The following NRXN3 variants were observed in gnomAD, a reference collection of about 807,000 sequenced individuals.
The protein encoded by NRXN3 is neurexin III.
A neutral mutation model predicts 137.6 loss-of-function variants in NRXN3; 32 were observed. The observed-to-expected ratio is 0.23, with a 90% CI of 0.18 to 0.31. The LOEUF (loss-of-function observed/expected upper bound fraction) is 0.31. NRXN3 is among the 10% of genes least tolerant of loss of function. NRXN3 has a pLI of 1.00. For synonymous variants in NRXN3, 798 were observed against 784.5 expected, an observed-to-expected ratio of 1.02 and a Z score of -0.29; for missense variants, 1,574 against 2,062.5, an observed-to-expected ratio of 0.76 and a Z score of 4.59.
At chr14:78,402,046 T>A (rs189830829) in intron 4 of NRXN3, among the ~76,000 whole-genome samples, 1 of 152,230 alleles carries the variant, frequency 6.6e-6, no homozygotes. Flanking sequence ...ACTGAATGGA[T>A]GATTAACTGT....
intron 15 of NRXN3, among the ~76,000 whole-genome samples, chr14:79,045,366 C>T (rs909096438): frequency 6.6e-6 from 1 of 152,150 alleles, no homozygotes; most frequent in African/African-American, 2.4e-5. Flanking sequence ...GGCACTGCAC[C>T]TTCCTGTTTG....
intron 5 of NRXN3, among the ~76,000 whole-genome samples, chr14:78,646,515 T>C (rs2097689472): frequency 6.6e-6 from 1 of 152,224 alleles, no homozygotes; most frequent in African/African-American, 2.4e-5. Context: ...CTAATGTCAA[T>C]GTGAAAGCGT....
intron 20 of NRXN3, chr14:79,853,770 A>C (rs2099396754): frequency 9.7e-7 from 1 of 1,032,832 alleles, no homozygotes; most frequent in African/African-American, 1.7e-5. Context: ...TGTCAAAAAG[A>C]CAAAAAAATA....
intron 15 of NRXN3, among the ~76,000 whole-genome samples, chr14:79,427,952 T>G (rs1028780069): frequency 3.3e-5 from 5 of 152,072 alleles, no homozygotes; most frequent in African/African-American, 1.2e-4. Context: ...GAGAGAGTAA[T>G]AAGATCGAGG....
intron 10 of NRXN3, among the ~76,000 whole-genome samples, chr14:78,834,621 A>C (rs193254066): frequency 1.1e-4 from 16 of 152,148 alleles, no homozygotes; most frequent in Non-Finnish European, 1.9e-4. Flanking sequence ...TCCTTTTTAA[A>C]CATACCACTG....
chr14:79,641,612 A>G (rs2098434523), intron 16 of NRXN3, among the ~76,000 whole-genome samples: 1 of 135,318 alleles, frequency 7.4e-6, no homozygotes, highest in African/African-American at 2.5e-5. Flanking sequence ...GGCTGGGATT[A>G]GGTTCAGATA....
chr14:79,590,689 CTATGCCCCTGG>C (rs1882387996), intron 16 of NRXN3, among the ~76,000 whole-genome samples: 1 of 152,164 alleles, frequency 6.6e-6, no homozygotes, highest in Non-Finnish European at 1.5e-5. Flanking sequence ...TGAACAGCAC[CTATGCCCCTGG>C]TACAGGAGTG....
At chr14:79,848,189 A>G (rs2099384325) in intron 20 of NRXN3, among the ~76,000 whole-genome samples, 1 of 152,224 alleles carries the variant, frequency 6.6e-6, no homozygotes, top group Non-Finnish European at 1.5e-5. Context: ...TTTAATCAAG[A>G]GGAAATATCT....
At chr14:79,565,294 T>C (rs916623094) in intron 16 of NRXN3, among the ~76,000 whole-genome samples, 1 of 147,744 alleles carries the variant, frequency 6.8e-6, no homozygotes, top group Admixed American at 6.7e-5. Flanking sequence ...TACGCACACA[T>C]GTGTATATAC....
intron 16 of NRXN3, among the ~76,000 whole-genome samples, chr14:79,565,761 A>G (rs554899768): frequency 3.3e-4 from 50 of 152,120 alleles, no homozygotes; most frequent in Non-Finnish European, 5.7e-4. Context: ...AGCTAAGCAC[A>G]TTGACTGTTC....
At chr14:78,875,503 T>G (rs1056887143) in intron 10 of NRXN3, among the ~76,000 whole-genome samples, 5 of 152,196 alleles carry the variant, frequency 3.3e-5, no homozygotes, top group Non-Finnish European at 7.3e-5. Flanking sequence ...GTTATTCACT[T>G]TTTTCCATAG....
chr14:78,939,061 G>T (rs1223348578), intron 10 of NRXN3, among the ~76,000 whole-genome samples: 4 of 151,756 alleles, frequency 2.6e-5, no homozygotes, highest in African/African-American at 9.7e-5. Flanking sequence ...TAGCCAGGAT[G>T]GTCTCGATCT....
rs3035451 is a variant in NRXN3 at position 79,020,862 on chromosome 14, T to TACACACACACAC, written c.3262+32744_3262+32755dup. Among the ~76,000 whole-genome samples, 1,028 of 145,182 alleles carry TACACACACACAC rather than the reference T, an allele frequency of 7.1e-3. 8 individuals are homozygous for TACACACACACAC. The highest frequency in any genetic ancestry group is 0.014 in the Middle Eastern group (4 of 280). On this transcript the variant is annotated intron_variant, in intron 15 of 20. Transcript: ENST00000335750. ...ATGCGCTCTGCCTGTGCTTGCATTT[T>TACACACACACAC]ACACACACACACACACACACACACA...
intron 19 of NRXN3, among the ~76,000 whole-genome samples, chr14:79,799,218 C>A (rs777209844): frequency 1.3e-5 from 2 of 152,062 alleles, no homozygotes; most frequent in African/African-American, 4.8e-5. Flanking sequence ...AATTTCAACA[C>A]GTGGATTAAA....
chr14:79,389,460 A>T (rs990726698), intron 15 of NRXN3, among the ~76,000 whole-genome samples: 4 of 152,152 alleles, frequency 2.6e-5, no homozygotes, highest in Non-Finnish European at 4.4e-5. Context: ...TAATGCTCCC[A>T]CCTCTCACCA....
chr14:79,768,986 C>G (rs2099066769), intron 19 of NRXN3, among the ~76,000 whole-genome samples: 1 of 151,690 alleles, frequency 6.6e-6, no homozygotes, highest in African/African-American at 2.4e-5. Flanking sequence ...GCAGAAGCCT[C>G]AGGAGCCGAT....
intron 1 of NRXN3, among the ~76,000 whole-genome samples, chr14:78,201,379 T>G (rs2061662912): frequency 6.6e-6 from 1 of 152,170 alleles, no homozygotes; most frequent in Non-Finnish European, 1.5e-5. Context: ...ATCTGGCCGC[T>G]CTGGGGCTTA....
intron 4 of NRXN3, chr14:78,602,496 G>A (rs1001876347): frequency 6.6e-6 from 1 of 152,104 alleles, no homozygotes; most frequent in East Asian, 1.9e-4. Context: ...CTGAGTAATT[G>A]TTTTGCCTTT....
intron 15 of NRXN3, among the ~76,000 whole-genome samples, chr14:79,453,038 G>A (rs1398822431): frequency 6.6e-6 from 1 of 152,120 alleles, no homozygotes; most frequent in Non-Finnish European, 1.5e-5. Flanking sequence ...GATTCATTTT[G>A]ATCTCTTATG....
Sources: gnomAD v4.1 joint callset for allele counts (sites outside exome capture counted in the v4.1 genomes callset) on GRCh38, gnomAD v4.1.1 for gene constraint, MANE v1.5 for transcripts, NCBI Gene and HGNC (gene_info 2026-07-23, HGNC 2026-07-21) for gene names.